CFAP299: variants seen among roughly 807,000 people sequenced by gnomAD.
CFAP299 encodes cilia- and flagella-associated protein 299.
In CFAP299, 21 loss-of-function variants were observed where a neutral mutation model predicts 27.0. The ratio of observed to expected loss-of-function variants is 0.78; its 90% CI spans 0.55 to 1.12. The LOEUF is 1.12. Ranked by LOEUF, CFAP299 falls within the 50% of genes most tolerant of loss-of-function variation. The pLI is 0.00. For synonymous variants in CFAP299, 104 were observed against 98.1 expected, an observed-to-expected ratio of 1.06 and a Z score of -0.36; for missense variants, 310 against 276.6, an observed-to-expected ratio of 1.12 and a Z score of -0.86.
chr4:80,540,958 C>T (rs996920009), intron 2 of CFAP299, among the ~76,000 whole-genome samples: 2 of 152,068 alleles, frequency 1.3e-5, no homozygotes, highest in African/African-American at 4.8e-5. Context: ...ATTACCAGAG[C>T]CTCTAACCAC....
chr4:80,934,139 G>A (rs1736768021), intron 4 of CFAP299, among the ~76,000 whole-genome samples: 1 of 152,014 alleles, frequency 6.6e-6, no homozygotes, highest in African/African-American at 2.4e-5. Context: ...ACCATGAAAG[G>A]ATGTCAACTT....
chr4:80,873,789 G>A (rs929665695), intron 4 of CFAP299, among the ~76,000 whole-genome samples: 1 of 152,138 alleles, frequency 6.6e-6, no homozygotes, highest in Non-Finnish European at 1.5e-5. Flanking sequence ...TGCATGTGTT[G>A]AACAAAGATC....
chr4:80,842,416 C>T (rs1424074461), intron 3 of CFAP299, among the ~76,000 whole-genome samples: 1 of 152,148 alleles, frequency 6.6e-6, no homozygotes, highest in Non-Finnish European at 1.5e-5. Flanking sequence ...GCACAGTTGG[C>T]TTCTAATTCC....
chr4:80,944,641 A>G (rs943495360), intron 4 of CFAP299, among the ~76,000 whole-genome samples, 169 bp from the exon 5 acceptor site: 1 of 152,226 alleles, frequency 6.6e-6, no homozygotes, highest in African/African-American at 2.4e-5. Context: ...GAATAACCCA[A>G]TCTAATCTCT....
intron 1 of CFAP299, among the ~76,000 whole-genome samples, chr4:80,347,160 A>G (rs1197212889): frequency 1.3e-5 from 2 of 151,870 alleles, no homozygotes; most frequent in African/African-American, 4.8e-5. Context: ...TTATCAGCTT[A>G]AGGAGATTTT....
chr4:80,955,377 T>A (rs572399242), intron 5 of CFAP299, among the ~76,000 whole-genome samples: 1 of 152,288 alleles, frequency 6.6e-6, no homozygotes, highest in East Asian at 1.9e-4. Flanking sequence ...TGTATAGCCA[T>A]TTACAAAGAG....
chr4:80,814,473 T>C (rs1048293841), intron 3 of CFAP299, among the ~76,000 whole-genome samples: 3 of 151,978 alleles, frequency 2.0e-5, no homozygotes, highest in African/African-American at 7.2e-5. Flanking sequence ...GAAAGGAGGA[T>C]ACTTGAGCCA....
chr4:80,641,952 T>C (rs6535075), intron 3 of CFAP299, among the ~76,000 whole-genome samples: 134,163 of 152,264 alleles, frequency 0.88, 59,587 homozygotes, highest in East Asian at 1. Context: ...GGTGACACTG[T>C]TGCATGAATG....
At chr4:80,673,414 C>T (rs971898022) in intron 3 of CFAP299, among the ~76,000 whole-genome samples, 6 of 151,984 alleles carry the variant, frequency 3.9e-5, no homozygotes, top group Non-Finnish European at 7.4e-5. Flanking sequence ...TTTGCTGAGG[C>T]ATGCTTTACT....
chr4:80,734,537 TG>T (rs1203516416), intron 3 of CFAP299, among the ~76,000 whole-genome samples: 1 of 152,188 alleles, frequency 6.6e-6, no homozygotes, highest in African/African-American at 2.4e-5. Flanking sequence ...AAGAAATTTT[TG>T]CCCAGACCAA....
intron 3 of CFAP299, among the ~76,000 whole-genome samples, chr4:80,617,296 C>T (rs1171731318): frequency 6.6e-6 from 1 of 151,984 alleles, no homozygotes. Context: ...TCATATTTAC[C>T]TGGAGTTGCT....
intron 2 of CFAP299, among the ~76,000 whole-genome samples, chr4:80,429,699 G>A (rs1274378420): frequency 3.3e-5 from 5 of 152,132 alleles, no homozygotes; most frequent in Non-Finnish European, 5.9e-5. Context: ...TAATAACTAT[G>A]TAATAGTTAT....
intron 2 of CFAP299, among the ~76,000 whole-genome samples, chr4:80,498,312 C>A (rs149159368): frequency 1.1e-3 from 170 of 152,148 alleles, no homozygotes; most frequent in African/African-American, 3.7e-3. Flanking sequence ...AAACAGACAA[C>A]CTGCAGGAGG....
At chr4:80,866,087 A>ATATATATATATATATATATC (rs1244234996) in intron 3 of CFAP299, among the ~76,000 whole-genome samples, 1 of 115,450 alleles carries the variant, frequency 8.7e-6, no homozygotes, top group African/African-American at 3.0e-5. Flanking sequence ...ATATATATAT[A>ATATATATATATATATATATC]TATATATATC....
rs149399850 is a variant in CFAP299 at position 80,722,618 on chromosome 4, C to T, written c.333+139435C>T. On this transcript the variant is annotated intron_variant, in intron 3 of 5. Transcript: ENST00000358105. Reference sequence around the variant, plus strand: ...CTTAATGATTAGAAAACAAAAAATTCGGCCGGGCGCTGTGGCTCACGCCTG... The same window carrying T: ...CTTAATGATTAGAAAACAAAAAATTTGGCCGGGCGCTGTGGCTCACGCCTG... Among the ~76,000 whole-genome samples, 87 of 151,804 alleles carry T rather than the reference C, an allele frequency of 5.7e-4. 1 individual carries two copies. The East Asian group carries it at 0.015, about 27-fold the overall frequency.
At chr4:80,340,754 G>A (rs897768369) in intron 1 of CFAP299, among the ~76,000 whole-genome samples, 3 of 151,960 alleles carry the variant, frequency 2.0e-5, no homozygotes, top group Admixed American at 2.0e-4. Flanking sequence ...GTTCCAGAAT[G>A]TGGCCATAAC....
intron 2 of CFAP299, among the ~76,000 whole-genome samples, chr4:80,427,260 ATATTTTATTT>A (rs941849662): frequency 4.6e-5 from 7 of 152,148 alleles, no homozygotes; most frequent in African/African-American, 1.7e-4. Flanking sequence ...TTCCACCAAC[ATATTTTATTT>A]TATTTTATTT....
In CFAP299 at chr4:80,819,964, A is replaced by ATGT. The variant is rs369911141; in HGVS notation, c.334-50012_334-50010dup. Among the ~76,000 whole-genome samples the ATGT allele has an allele frequency of 9.6e-4, 146 of 152,112 alleles. 1 individual carries two copies. In the East Asian group the frequency reaches 0.024, roughly 25 times the overall value. Reference sequence around the variant, plus strand: ...AAACTAAGACCTTTTTCCCCTTCTTATGTTGTTGTTGTTGTTGTTTTTGTT... The same window carrying ATGT: ...AAACTAAGACCTTTTTCCCCTTCTTATGTTGTTGTTGTTGTTGTTGTTTTTGTT... On this transcript the variant is annotated intron_variant, in intron 3 of 5. Transcript: ENST00000358105.
chr4:80,388,473 C>G, intron 2 of CFAP299: 1 of 1,127,598 alleles, frequency 8.9e-7, no homozygotes, highest in Non-Finnish European at 1.3e-6. Flanking sequence ...GTGTCCAGGT[C>G]GGGGGCATTT....
Sources: allele counts gnomAD v4.1 joint callset (sites outside exome capture counted in the v4.1 genomes callset), GRCh38; gene constraint gnomAD v4.1.1; transcripts MANE v1.5; gene names NCBI Gene and HGNC (gene_info 2026-07-23, HGNC 2026-07-21).